Variants in STAU2 observed in about 807,000 individuals in gnomAD.
STAU2 encodes double-stranded RNA-binding protein Staufen homolog 2.
In STAU2, 20 loss-of-function variants were observed where a neutral mutation model predicts 65.9. That is an observed-to-expected ratio of 0.30 (90% confidence interval 0.21 to 0.44). The LOEUF (loss-of-function observed/expected upper bound fraction) is 0.44. Ranked by LOEUF, STAU2 falls within the 20% of genes least tolerant of loss-of-function variation. The pLI is 1.00. For synonymous variants in STAU2, 232 were observed against 233.9 expected, an observed-to-expected ratio of 0.99 and a Z score of 0.07; for missense variants, 558 against 683.9, an observed-to-expected ratio of 0.82 and a Z score of 2.05.
chr8:73,605,760 G>A (rs1811962155), intron 9 of STAU2, among the ~76,000 whole-genome samples: 1 of 151,682 alleles, frequency 6.6e-6, no homozygotes, highest in East Asian at 1.9e-4. Flanking sequence ...GACAGTGTGT[G>A]TAGTATTGGT....
rs1031059291 is a variant in STAU2 at position 73,483,334 on chromosome 8, A to T, written c.1531-60632T>A. Among the ~76,000 whole-genome samples, 4 of 152,256 alleles carry T rather than the reference A, an allele frequency of 2.6e-5. 1 individual carries two copies. The highest frequency in any genetic ancestry group is 1.5e-5 in the Non-Finnish European group (1 of 67,988). On this transcript the variant is annotated intron_variant, in intron 13 of 14. Transcript: ENST00000524300. ...ACAAATTGTCTAGGCAGTCGTGAGC[A>T]ATCATTGACTTGGTTTGTTATAATT... is the stretch of plus-strand genomic sequence containing the variant.
At chr8:73,440,718 T>A (rs537762780) in intron 13 of STAU2, 4 of 152,322 alleles carry the variant, frequency 2.6e-5, no homozygotes, top group African/African-American at 9.6e-5. Flanking sequence ...CCAGAGTGAT[T>A]TTTTTGAAAT....
chr8:73,497,919 T>C (rs1364285537), intron 13 of STAU2, among the ~76,000 whole-genome samples: 2 of 151,770 alleles, frequency 1.3e-5, no homozygotes, highest in Non-Finnish European at 2.9e-5. Context: ...ACAAAAGGTG[T>C]TTCTGCAAAT....
intron 6 of STAU2, among the ~76,000 whole-genome samples, chr8:73,639,647 C>T (rs962803690): frequency 2.6e-5 from 4 of 152,050 alleles, no homozygotes; most frequent in South Asian, 2.1e-4. Context: ...TGTTTAGCAC[C>T]GTAGAGGCTC....
At chr8:73,566,453 A>G (rs998463769) in intron 12 of STAU2, among the ~76,000 whole-genome samples, 3 of 152,348 alleles carry the variant, frequency 2.0e-5, no homozygotes, top group African/African-American at 7.2e-5. Context: ...TCCATGTAAT[A>G]AAACATCTTA....
chr8:73,484,784 G>A (rs780461346), intron 13 of STAU2, among the ~76,000 whole-genome samples: 6 of 151,956 alleles, frequency 3.9e-5, no homozygotes, highest in Non-Finnish European at 5.9e-5. Context: ...CAATCACTCG[G>A]CACTCCATGG....
intron 13 of STAU2, among the ~76,000 whole-genome samples, chr8:73,528,126 G>GT (rs1267553956): frequency 6.6e-6 from 1 of 152,104 alleles, no homozygotes; most frequent in Non-Finnish European, 1.5e-5. Context: ...AAGCATAAGC[G>GT]TAAGTCAAAG....
At chr8:73,727,482 T>A (rs1805727927) in intron 3 of STAU2, among the ~76,000 whole-genome samples, 1 of 152,234 alleles carries the variant, frequency 6.6e-6, no homozygotes, top group Admixed American at 6.5e-5. Flanking sequence ...TATGTGACCA[T>A]TTGTGTGTGT....
intron 13 of STAU2, among the ~76,000 whole-genome samples, chr8:73,495,160 C>G (rs886942487): frequency 5.9e-5 from 9 of 151,364 alleles, no homozygotes; most frequent in Non-Finnish European, 1.2e-4. Context: ...CTTTGTATCA[C>G]ATTCTGGGAT....
At chr8:73,516,023 T>C (rs1440619236) in intron 13 of STAU2, among the ~76,000 whole-genome samples, 1 of 149,364 alleles carries the variant, frequency 6.7e-6, no homozygotes, top group Non-Finnish European at 1.5e-5. Flanking sequence ...AGCCTCAAAC[T>C]CCCAGGCTCA....
At chr8:73,606,855 T>C (rs562128433) in intron 9 of STAU2, among the ~76,000 whole-genome samples, 35 of 152,016 alleles carry the variant, frequency 2.3e-4, no homozygotes, top group African/African-American at 8.2e-4. Context: ...GATAAACAAG[T>C]GGTGGTATAT....
chr8:73,633,396 G>C (rs995273862), intron 6 of STAU2, among the ~76,000 whole-genome samples: 1 of 152,158 alleles, frequency 6.6e-6, no homozygotes, highest in Non-Finnish European at 1.5e-5. Flanking sequence ...GATTGCAAGG[G>C]AGAGACAGGA....
chr8:73,628,948 T>C (rs1430127670), intron 6 of STAU2, among the ~76,000 whole-genome samples: 1 of 152,178 alleles, frequency 6.6e-6, no homozygotes, highest in East Asian at 1.9e-4. Flanking sequence ...CCACTTCACA[T>C]ACTCCCAAAA....
chr8:73,492,451 T>C (rs1344072717), intron 13 of STAU2, among the ~76,000 whole-genome samples: 1 of 151,792 alleles, frequency 6.6e-6, no homozygotes, highest in Non-Finnish European at 1.5e-5. Context: ...GCTTAGTAAA[T>C]CACCTCCAAT....
At chr8:73,671,799 G>A (rs1370426036) in intron 6 of STAU2, among the ~76,000 whole-genome samples, 2 of 152,194 alleles carry the variant, frequency 1.3e-5, no homozygotes. Flanking sequence ...GAGGCGGACA[G>A]ATCACTTAAG....
chr8:73,637,175 TA>T (rs57995249), intron 6 of STAU2, among the ~76,000 whole-genome samples: 28,992 of 148,854 alleles, frequency 0.19, 3,045 homozygotes, highest in East Asian at 0.37. Context: ...TAATTAAAAT[TA>T]AAAAAAAGGT....
chr8:73,608,155 G>T lies in STAU2; in HGVS notation c.892-4292C>A, dbSNP rs146763342. Among the ~76,000 whole-genome samples, 17 of 152,254 alleles carry T rather than the reference G, an allele frequency of 1.1e-4. No homozygotes were observed. The East Asian group carries it at 3.1e-3, about 28-fold the overall frequency. ...GCAGAGGCATGATATGATTAGACAG[G>T]TGTCTCTAAAAGATCATACTTTTTA... is the stretch of plus-strand genomic sequence containing the variant. On this transcript the variant is annotated intron_variant, in intron 9 of 14. Coordinates refer to ENST00000524300, the MANE Select transcript of STAU2 (RefSeq NM_001164380.2).
At chr8:73,563,111 A>G (rs1808352449) in intron 12 of STAU2, among the ~76,000 whole-genome samples, 1 of 152,172 alleles carries the variant, frequency 6.6e-6, no homozygotes, top group African/African-American at 2.4e-5. Flanking sequence ...CACACAAAAA[A>G]ACCTGTTCTC....
At chr8:73,552,806 C>G (rs1202310457) in intron 12 of STAU2, among the ~76,000 whole-genome samples, 1 of 152,142 alleles carries the variant, frequency 6.6e-6, no homozygotes, top group Non-Finnish European at 1.5e-5. Flanking sequence ...ATCCTCTCAC[C>G]TCCACAAGGA....
Sources: allele counts gnomAD v4.1 joint callset (sites outside exome capture counted in the v4.1 genomes callset), GRCh38; gene constraint gnomAD v4.1.1; transcripts MANE v1.5; gene names NCBI Gene and HGNC (gene_info 2026-07-23, HGNC 2026-07-21).